PTPRD: variants seen among roughly 807,000 people sequenced by gnomAD.
PTPRD encodes the protein receptor-type tyrosine-protein phosphatase delta.
Under a neutral mutation model 214.5 loss-of-function variants are expected in PTPRD, and 34 were observed. The ratio of observed to expected loss-of-function variants is 0.16; its 90% CI spans 0.12 to 0.21. The LOEUF is 0.21. Among genes scored for constraint, PTPRD ranks in the 10% least tolerant of loss-of-function variants. PTPRD has a pLI of 1.00. For synonymous variants in PTPRD, 1,128 were observed against 845.7 expected, an observed-to-expected ratio of 1.33 and a Z score of -5.79; for missense variants, 2,545 against 2,398.7, an observed-to-expected ratio of 1.06 and a Z score of -1.27.
intron 9 of PTPRD, among the ~76,000 whole-genome samples, chr9:9,364,531 T>C (rs1269446390): frequency 6.6e-6 from 1 of 151,406 alleles, no homozygotes; most frequent in Non-Finnish European, 1.5e-5. Flanking sequence ...TCCCTGCACA[T>C]ATACGAGGGA....
intron 14 of PTPRD, among the ~76,000 whole-genome samples, chr9:8,614,425 T>G (rs190833455): frequency 1.3e-5 from 2 of 152,252 alleles, no homozygotes; most frequent in Non-Finnish European, 1.5e-5. Flanking sequence ...GTAAAAGACC[T>G]CCCTGCCTGT....
At chr9:10,521,225 G>A (rs1323795616) in intron 2 of PTPRD, among the ~76,000 whole-genome samples, 2 of 152,094 alleles carry the variant, frequency 1.3e-5, no homozygotes, top group African/African-American at 4.8e-5. Flanking sequence ...AACTCTCACA[G>A]ATGACTTTCA....
chr9:9,073,583 G>C (rs2099746914), intron 10 of PTPRD, among the ~76,000 whole-genome samples: 1 of 152,122 alleles, frequency 6.6e-6, no homozygotes, highest in Admixed American at 6.6e-5. Context: ...TCCCCAAAAA[G>C]AAGAAATTTT....
At chr9:9,121,192 A>C (rs775282034) in intron 10 of PTPRD, among the ~76,000 whole-genome samples, 1 of 152,224 alleles carries the variant, frequency 6.6e-6, no homozygotes, top group Non-Finnish European at 1.5e-5. Context: ...GAAATGTGAC[A>C]AAAAGTATTT....
intron 11 of PTPRD, among the ~76,000 whole-genome samples, chr9:8,940,526 C>T (rs1434237652): frequency 6.9e-6 from 1 of 145,546 alleles, no homozygotes; most frequent in African/African-American, 2.5e-5. Context: ...CTCCTGACCT[C>T]AGGTGATCCA....
chr9:9,024,443 T>C (rs899927271), intron 10 of PTPRD, among the ~76,000 whole-genome samples: 1 of 150,102 alleles, frequency 6.7e-6, no homozygotes, highest in Non-Finnish European at 1.5e-5. Flanking sequence ...TTAGGATGAA[T>C]TGCTGGATGC....
At chr9:10,471,296 A>G (rs1421137026) in intron 2 of PTPRD, among the ~76,000 whole-genome samples, 2 of 152,018 alleles carry the variant, frequency 1.3e-5, no homozygotes, top group Non-Finnish European at 2.9e-5. Context: ...AAACTATAAT[A>G]AAAAATAAAT....
chr9:9,586,725 A>G (rs2154320615), intron 7 of PTPRD, among the ~76,000 whole-genome samples: 1 of 152,094 alleles, frequency 6.6e-6, no homozygotes, highest in South Asian at 2.1e-4. Context: ...GAACATCTAA[A>G]TTTTTAGTCC....
At chr9:8,740,955 C>T (rs1778001053) in intron 11 of PTPRD, among the ~76,000 whole-genome samples, 1 of 152,016 alleles carries the variant, frequency 6.6e-6, no homozygotes, top group Admixed American at 6.6e-5. Context: ...TAAAAGATCC[C>T]TTATATGCCT....
intron 35 of PTPRD, among the ~76,000 whole-genome samples, chr9:8,434,466 A>T (rs1249998010): frequency 6.6e-6 from 1 of 152,170 alleles, no homozygotes; most frequent in Non-Finnish European, 1.5e-5. Context: ...CACAGTGACA[A>T]AATCACCCAA....
At chr9:9,015,100 A>G (rs1333445498) in intron 11 of PTPRD, among the ~76,000 whole-genome samples, 1 of 152,142 alleles carries the variant, frequency 6.6e-6, no homozygotes, top group African/African-American at 2.4e-5. Flanking sequence ...TAACTAAATT[A>G]ACTAGATAGC....
chr9:9,849,713 T>C (rs2060189121), intron 5 of PTPRD, among the ~76,000 whole-genome samples: 1 of 152,088 alleles, frequency 6.6e-6, no homozygotes, highest in Non-Finnish European at 1.5e-5. Flanking sequence ...ACTGAATCAG[T>C]GCTAAGGAAA....
intron 37 of PTPRD, among the ~76,000 whole-genome samples, chr9:8,388,407 A>C (rs1029780433): frequency 2.6e-5 from 4 of 152,168 alleles, no homozygotes; most frequent in African/African-American, 9.7e-5. Flanking sequence ...CCTATTCTTC[A>C]ATGAAAGTAT....
intron 7 of PTPRD, among the ~76,000 whole-genome samples, chr9:9,646,868 T>G (rs986007096): frequency 3.9e-5 from 6 of 152,214 alleles, no homozygotes; most frequent in African/African-American, 1.4e-4. Flanking sequence ...AGTACAATAA[T>G]GTGGTCTTTC....
chr9:8,421,240 C>A (rs1172437798), intron 35 of PTPRD, among the ~76,000 whole-genome samples: 1 of 152,116 alleles, frequency 6.6e-6, no homozygotes, highest in Non-Finnish European at 1.5e-5. Context: ...GCAGGAGATG[C>A]AGAGAAAACC....
chr9:9,441,725 T>C (rs546522051), intron 8 of PTPRD, among the ~76,000 whole-genome samples: 2 of 152,288 alleles, frequency 1.3e-5, no homozygotes, highest in African/African-American at 4.8e-5. Flanking sequence ...TTTTCCAAAA[T>C]GAATGAATTT....
At chr9:9,988,427 C>T (rs1433276162) in intron 4 of PTPRD, among the ~76,000 whole-genome samples, 1 of 152,098 alleles carries the variant, frequency 6.6e-6, no homozygotes, top group Non-Finnish European at 1.5e-5. Context: ...GACCTCCAAG[C>T]ATGCAGCTCA....
chr9:9,148,322 G>A (rs2099872099), intron 10 of PTPRD, among the ~76,000 whole-genome samples: 1 of 151,944 alleles, frequency 6.6e-6, no homozygotes, highest in East Asian at 1.9e-4. Context: ...TACTTAAGAA[G>A]GCTTATCACT....
chr9:9,093,526 C>T lies in PTPRD; in HGVS notation c.-142-74791G>A, dbSNP rs144437350. On this transcript the variant is annotated intron_variant, in intron 10 of 45. Coordinates refer to ENST00000381196, the MANE Select transcript of PTPRD (RefSeq NM_002839.4). ...TATTCAAGCAGAAATTAGTAATAAA[C>T]AATCTAGAAAATTCCCCAATATCTG... Among the ~76,000 whole-genome samples the T allele has an allele frequency of 3.1e-3, 477 of 151,844 alleles. 1 individual carries two copies. The highest frequency in any genetic ancestry group is 0.011 in the African/African-American group (462 of 41,438).
Sources: allele counts gnomAD v4.1 joint callset (sites outside exome capture counted in the v4.1 genomes callset), GRCh38; gene constraint gnomAD v4.1.1; transcripts MANE v1.5; gene names NCBI Gene and HGNC (gene_info 2026-07-23, HGNC 2026-07-21).